PPM1H: variants seen among roughly 807,000 people sequenced by gnomAD.
PPM1H encodes the protein protein phosphatase, Mg2+/Mn2+ dependent 1H.
PPM1H carries 27 observed loss-of-function variants against 54.9 expected under a neutral mutation model. The ratio of observed to expected loss-of-function variants is 0.49; its 90% CI spans 0.36 to 0.68. The LOEUF (loss-of-function observed/expected upper bound fraction) is 0.68, where lower values mean the gene tolerates loss of function less well. Among genes scored for constraint, PPM1H ranks in the 30% least tolerant of loss-of-function variants. The pLI is 0.00. For synonymous variants in PPM1H, 305 were observed against 270.8 expected (o/e 1.13, Z -1.24); for missense variants, 596 against 667.8 (o/e 0.89, Z 1.19).
At chr12:62,929,971 G>T (rs1246032847) in intron 1 of PPM1H, among the ~76,000 whole-genome samples, 3 of 152,058 alleles carry the variant, frequency 2.0e-5, no homozygotes, top group Non-Finnish European at 4.4e-5. Flanking sequence ...CTGCAAAGAG[G>T]TATCAGTCAG....
At chr12:62,814,149 A>G (rs1460509444) in intron 2 of PPM1H, among the ~76,000 whole-genome samples, 4 of 152,118 alleles carry the variant, frequency 2.6e-5, no homozygotes, top group Non-Finnish European at 5.9e-5. Context: ...GCATGATCAT[A>G]GTTCACTGCA....
At chr12:62,805,857 AAC>A (rs1555197993) in intron 2 of PPM1H, among the ~76,000 whole-genome samples, 4 of 152,242 alleles carry the variant, frequency 2.6e-5, no homozygotes, top group South Asian at 2.1e-4. Flanking sequence ...CCTCACCACA[AAC>A]ACACAAAAAC....
At chr12:62,865,717 C>T (rs1331049559) in intron 1 of PPM1H, among the ~76,000 whole-genome samples, 1 of 152,050 alleles carries the variant, frequency 6.6e-6, no homozygotes, top group Non-Finnish European at 1.5e-5. Context: ...AGGCTGGTCT[C>T]GAACCCTGGG....
At chr12:62,824,169 A>C (rs1362912242) in intron 2 of PPM1H, among the ~76,000 whole-genome samples, 4 of 152,162 alleles carry the variant, frequency 2.6e-5, no homozygotes, top group African/African-American at 9.7e-5. Flanking sequence ...AAGAGAATAA[A>C]ATACCTAGGA....
At chr12:62,755,672 C>T in intron 4 of PPM1H, 1 of 661,834 alleles carries the variant, frequency 1.5e-6, no homozygotes, top group Non-Finnish European at 2.7e-6. Flanking sequence ...CATCAGCATG[C>T]CTCCTGTATC....
chr12:62,658,778 GAAAA>G (rs1442064526), intron 9 of PPM1H: 114 of 432,564 alleles, frequency 2.6e-4, no homozygotes, highest in South Asian at 1.1e-3. Flanking sequence ...AACTGTGATA[GAAAA>G]GAAAGAAAGA....
rs187621257 is a variant in PPM1H at position 62,646,806 on chromosome 12, T to C, written c.*1683A>G. ...GAGTTCTTTCCTGAGCAGGAGGGGC[T>C]CCAGGCCTTTTCGAATACAATACCG... On this transcript the variant is annotated 3_prime_UTR_variant, in exon 10 of 10. Coordinates refer to ENST00000228705, the MANE Select transcript of PPM1H (RefSeq NM_020700.2). 1 of 152,270 alleles carries C rather than the reference T, an allele frequency of 6.6e-6. No individual in the cohort carries two copies. Among genetic ancestry groups the C allele is most frequent in the African/African-American group, 2.4e-5 (1 of 41,536 alleles). The allele number at this position is 152,270 out of a possible 1,614,324, so 9.4% of individuals were successfully genotyped here.
intron 1 of PPM1H, among the ~76,000 whole-genome samples, chr12:62,912,116 G>A (rs1408848198): frequency 6.6e-6 from 1 of 151,908 alleles, no homozygotes; most frequent in African/African-American, 2.4e-5. Context: ...AGCCTACAAC[G>A]CAAAAAAGTG....
rs562827320 is a variant in PPM1H, at chr12:62,657,203, C to T, written c.1398-8567G>A. 7.9e-5 allele frequency among the ~76,000 whole-genome samples: 12 copies of T among 152,296 alleles called. No homozygotes were observed. The South Asian group carries it at 1.7e-3, about 21-fold the overall frequency. On this transcript the variant is annotated intron_variant, in intron 9 of 9. Coordinates refer to ENST00000228705, the MANE Select transcript of PPM1H (RefSeq NM_020700.2). The stretch of plus-strand genomic sequence containing the variant: ...CCCACCCCCATGAGAGAGGGTGAGA[C>T]GCCCTGCCAGGCCTCATCCACCTCT...
Position 62,647,084 on chromosome 12 carries a change from A to AAGAG in PPM1H, c.*1401_*1404dup, listed in dbSNP as rs948393679. The AAGAG allele has an allele frequency of 1.3e-5, 2 of 151,336 alleles. No individual in the cohort carries two copies. The highest frequency in any genetic ancestry group is 4.8e-5 in the African/African-American group (2 of 41,390). 9.4% of individuals were successfully genotyped at this position (151,336 alleles called of 1,614,324 possible). ...ATTTTGTGGCCGTACAAGTCTGCCT[A>AAGAG]AGAGACAGAAGTGAGTTTTATAATC... On this transcript the variant is annotated 3_prime_UTR_variant, in exon 10 of 10. Transcript: ENST00000228705.
intron 5 of PPM1H, among the ~76,000 whole-genome samples, chr12:62,737,026 T>C (rs2076353211): frequency 6.6e-6 from 1 of 152,118 alleles, no homozygotes; most frequent in Non-Finnish European, 1.5e-5. Flanking sequence ...CCAAAGGGCC[T>C]GTAAGACTTC....
At chr12:62,884,533 G>A (rs1870516678) in intron 1 of PPM1H, among the ~76,000 whole-genome samples, 2 of 145,448 alleles carry the variant, frequency 1.4e-5, no homozygotes, top group African/African-American at 5.3e-5. Context: ...GAAAGAAAGA[G>A]AGAAAAGAAA....
At chr12:62,802,569 C>CTT (rs34384026) in intron 2 of PPM1H, among the ~76,000 whole-genome samples, 2,748 of 145,138 alleles carry the variant, frequency 0.019, 31 homozygotes, top group South Asian at 0.032. Context: ...TAACTCCCGT[C>CTT]TTTTTTTTTT....
At chr12:62,817,116 TAAAAAA>T (rs1189819660) in intron 2 of PPM1H, among the ~76,000 whole-genome samples, 8 of 41,792 alleles carry the variant, frequency 1.9e-4, no homozygotes, top group African/African-American at 5.8e-4. Context: ...ACTGCATTAC[TAAAAAA>T]AAAAAAAAAA....
chr12:62,692,977 A>G (rs563089560), intron 7 of PPM1H, among the ~76,000 whole-genome samples: 1 of 142,036 alleles, frequency 7.0e-6, no homozygotes, highest in Admixed American at 7.3e-5. Flanking sequence ...TGCCCATGGA[A>G]GGCATCCTTT....
At chr12:62,898,156 T>C (rs567277306) in intron 1 of PPM1H, among the ~76,000 whole-genome samples, 1 of 152,306 alleles carries the variant, frequency 6.6e-6, no homozygotes, top group African/African-American at 2.4e-5. Context: ...ACTTCTGCAT[T>C]TCATTGTCAA....
chr12:62,808,465 A>AT (rs2076818144), intron 2 of PPM1H, among the ~76,000 whole-genome samples: 1 of 152,078 alleles, frequency 6.6e-6, no homozygotes, highest in Admixed American at 6.5e-5. Flanking sequence ...AACCAGAGTG[A>AT]TTTTTCCTAA....
intron 8 of PPM1H, among the ~76,000 whole-genome samples, chr12:62,686,243 G>T (rs1234451502): frequency 6.6e-6 from 1 of 152,224 alleles, no homozygotes; most frequent in Non-Finnish European, 1.5e-5. Flanking sequence ...GAGATTGGAA[G>T]ATCTAAAATC....
intron 1 of PPM1H, among the ~76,000 whole-genome samples, chr12:62,836,133 C>T (rs7311342): frequency 0.11 from 17,014 of 152,172 alleles, 1,805 homozygotes; most frequent in African/African-American, 0.28. Flanking sequence ...ACAATACTTA[C>T]GCATGATGCT....
Sources: allele counts gnomAD v4.1 joint callset (sites outside exome capture counted in the v4.1 genomes callset), GRCh38; gene constraint gnomAD v4.1.1; transcripts MANE v1.5; gene names NCBI Gene and HGNC (gene_info 2026-07-23, HGNC 2026-07-21).